The following CDH8 variants were observed in gnomAD, a reference collection of about 807,000 sequenced individuals.
CDH8 encodes the protein cadherin 8, also known as cadherin-8.
CDH8 carries 17 observed loss-of-function variants against 68.1 expected under a neutral mutation model. The observed-to-expected ratio is 0.25, with a 90% CI of 0.17 to 0.37. The LOEUF (loss-of-function observed/expected upper bound fraction) is 0.37, where lower values mean the gene tolerates loss of function less well. Among genes scored for constraint, CDH8 ranks in the 10% least tolerant of loss-of-function variants. The probability of loss-of-function intolerance (pLI) is 1.00; values close to 1 mark genes in which losing one functional copy is unlikely to be tolerated. For missense variants in CDH8, 763 were observed against 999.3 expected (o/e 0.76, Z 3.19); for synonymous variants, 372 against 365.1 (o/e 1.02, Z -0.21).
At chr16:61,877,747 T>C (rs1286938598) in intron 3 of CDH8, among the ~76,000 whole-genome samples, 1 of 152,116 alleles carries the variant, frequency 6.6e-6, no homozygotes, top group Non-Finnish European at 1.5e-5. Flanking sequence ...AGAGAATATG[T>C]GTGTGTCTAT....
intron 2 of CDH8, among the ~76,000 whole-genome samples, chr16:61,944,605 A>AT (rs1404961090): frequency 1.5e-4 from 23 of 152,336 alleles, no homozygotes; most frequent in Admixed American, 3.9e-4. Flanking sequence ...ATCAGTGTAA[A>AT]TCACTTACAT....
chr16:62,014,102 G>A (rs1901881467), intron 2 of CDH8, among the ~76,000 whole-genome samples: 1 of 152,098 alleles, frequency 6.6e-6, no homozygotes, highest in Non-Finnish European at 1.5e-5. Context: ...AAACAAAAAG[G>A]ATTAAGAGAC....
intron 7 of CDH8, among the ~76,000 whole-genome samples, chr16:61,803,392 G>C (rs1229773237): frequency 7.7e-6 from 1 of 130,680 alleles, no homozygotes; most frequent in Non-Finnish European, 1.6e-5. Flanking sequence ...TCGAGACTAG[G>C]AAGAAACTGC....
intron 2 of CDH8, among the ~76,000 whole-genome samples, chr16:61,923,169 G>A (rs915945009): frequency 7.9e-5 from 12 of 152,174 alleles, no homozygotes; most frequent in Admixed American, 5.2e-4. Flanking sequence ...TGTCTTATAC[G>A]TTGCTTCATT....
chr16:61,961,032 G>T (rs1965144823), intron 2 of CDH8, among the ~76,000 whole-genome samples: 1 of 152,108 alleles, frequency 6.6e-6, no homozygotes, highest in African/African-American at 2.4e-5. Context: ...AACAGGAATT[G>T]GGGCTGGGCA....
chr16:62,010,419 G>T (rs1901778684), intron 2 of CDH8, among the ~76,000 whole-genome samples: 1 of 152,122 alleles, frequency 6.6e-6, no homozygotes, highest in Admixed American at 6.5e-5. Flanking sequence ...ACCACGCACA[G>T]GTTTGACTCT....
chr16:61,937,627 G>A (rs1964648753), intron 2 of CDH8, among the ~76,000 whole-genome samples: 2 of 152,146 alleles, frequency 1.3e-5, no homozygotes, highest in African/African-American at 4.8e-5. Flanking sequence ...AACTCATGTG[G>A]AGATTTAACT....
intron 2 of CDH8, among the ~76,000 whole-genome samples, chr16:61,985,762 G>C (rs1965614360): frequency 6.6e-6 from 1 of 151,954 alleles, no homozygotes; most frequent in African/African-American, 2.4e-5. Context: ...CAAAATGCTG[G>C]GATTACAGGC....
intron 10 of CDH8, among the ~76,000 whole-genome samples, 153 bp downstream of exon 10, chr16:61,713,683 AGTAAG>A (rs1276471432): frequency 1.3e-5 from 2 of 151,762 alleles, no homozygotes; most frequent in East Asian, 3.9e-4. Context: ...GAAAATAGGA[AGTAAG>A]GTAATTACCA....
chr16:61,768,429 CCTCTCCCTCT>C (rs1960690447), intron 8 of CDH8, among the ~76,000 whole-genome samples: 26 of 69,258 alleles, frequency 3.8e-4, no homozygotes, highest in African/African-American at 1.8e-3. Context: ...TCTCTCTCTC[CCTCTCCCTCT>C]CTCTCTCGCA....
intron 10 of CDH8, among the ~76,000 whole-genome samples, chr16:61,696,540 A>G (rs1483782095): frequency 6.6e-6 from 1 of 152,212 alleles, no homozygotes; most frequent in Non-Finnish European, 1.5e-5. Flanking sequence ...CACTGTGTAA[A>G]TAAGTCTGGA....
intron 2 of CDH8, among the ~76,000 whole-genome samples, chr16:61,943,226 G>C (rs948222156): frequency 2.5e-4 from 38 of 152,272 alleles, no homozygotes; most frequent in African/African-American, 7.5e-4. Flanking sequence ...TAAACTTCAT[G>C]AAAGTAGAGG....
At chr16:61,950,290 C>A (rs1964872179) in intron 2 of CDH8, among the ~76,000 whole-genome samples, 2 of 152,052 alleles carry the variant, frequency 1.3e-5, no homozygotes, top group Non-Finnish European at 2.9e-5. Flanking sequence ...AGAGATAAGA[C>A]AGAGAGTAGG....
intron 10 of CDH8, among the ~76,000 whole-genome samples, chr16:61,670,998 CA>C (rs1963781082): frequency 6.6e-6 from 1 of 151,958 alleles, no homozygotes; most frequent in Non-Finnish European, 1.5e-5. Context: ...CCTCAGAAAG[CA>C]AAACTATGGA....
At position 61,659,412 on chromosome 16, in the gene CDH8, G is replaced by A. The variant is rs74352950; in HGVS notation, c.1655-3691C>T. ...ACACAGGGGTCCCTCTCCCTGCAGCGAGCAGTTGGAGGACGATTTTCTGGG... is the reference window on the plus strand; with the variant it reads ...ACACAGGGGTCCCTCTCCCTGCAGCAAGCAGTTGGAGGACGATTTTCTGGG... On this transcript the variant is annotated intron_variant, in intron 10 of 11. Coordinates refer to ENST00000577390, the MANE Select transcript of CDH8 (RefSeq NM_001796.5). 9.5e-3 allele frequency among the ~76,000 whole-genome samples: 1,446 copies of A among 152,224 alleles called. 27 individuals are homozygous for A. Among genetic ancestry groups the A allele is most frequent in the African/African-American group, 0.033 (1,374 of 41,534 alleles).
At chr16:61,826,076 C>A (rs377249024) in intron 4 of CDH8, among the ~76,000 whole-genome samples, 2 of 151,750 alleles carry the variant, frequency 1.3e-5, no homozygotes, top group East Asian at 3.9e-4. Context: ...CATTTTGAGG[C>A]GCAAAATTAT....
At chr16:61,742,536 G>T (rs184415971) in intron 8 of CDH8, among the ~76,000 whole-genome samples, 6 of 152,150 alleles carry the variant, frequency 3.9e-5, no homozygotes, top group Admixed American at 2.6e-4. Context: ...AGTGTGCAAA[G>T]AAATTTTATT....
chr16:61,810,599 T>G (rs1477821442), intron 7 of CDH8, among the ~76,000 whole-genome samples: 1 of 152,204 alleles, frequency 6.6e-6, no homozygotes, highest in African/African-American at 2.4e-5. Context: ...ATTTTCACTA[T>G]AACATTATTG....
chr16:61,759,638 G>A (rs1017234566), intron 8 of CDH8, among the ~76,000 whole-genome samples: 2 of 152,078 alleles, frequency 1.3e-5, no homozygotes, highest in Non-Finnish European at 2.9e-5. Flanking sequence ...CTCTGTTCTT[G>A]AGTAATGCTG....
Sources: allele counts gnomAD v4.1 joint callset (sites outside exome capture counted in the v4.1 genomes callset), GRCh38; gene constraint gnomAD v4.1.1; transcripts MANE v1.5; gene names NCBI Gene and HGNC (gene_info 2026-07-23, HGNC 2026-07-21).